Variants in MIB1 observed in about 807,000 individuals in gnomAD.
MIB1 encodes E3 ubiquitin-protein ligase MIB1.
In MIB1, 278 loss-of-function variants were observed where a neutral mutation model predicts 124.5. The ratio of observed to expected loss-of-function variants is 2.23; its 90% confidence interval spans 2.02 to 2.47. The LOEUF is 2.47. Ranked by LOEUF, MIB1 falls within the 30% of genes most tolerant of loss-of-function variation. MIB1 has a pLI of 0.00. For missense variants in MIB1, 957 were observed against 1,254.4 expected, an observed-to-expected ratio of 0.76 and a Z score of 3.58; for synonymous variants, 446 against 429.4, an observed-to-expected ratio of 1.04 and a Z score of -0.48.
intron 10 of MIB1, among the ~76,000 whole-genome samples, chr18:21,813,817 T>C (rs555220589): frequency 1.3e-5 from 2 of 152,222 alleles, no homozygotes; most frequent in East Asian, 3.9e-4. Context: ...CACCAGGGGC[T>C]GGCACAGTGG....
Position 21,741,807 on chromosome 18 carries a change from CCACCGGT to C in MIB1, c.225_229+2del. ...GACCTCCGCATCCTGGACAGCGCGC[CCACCGGT>C]AAGCCGCGGCCACCTGGCCAGGGCT... On this transcript the variant is annotated splice_donor_variant and coding_sequence_variant, in exon 1 of 21. Coordinates refer to ENST00000261537, the MANE Select transcript of MIB1 (RefSeq NM_020774.4). LOFTEE classifies it high-confidence loss of function. The surrounding 1 kb of genome is among the most constrained non-coding windows in gnomAD (Gnocchi z 5.4). The C allele has an allele frequency of 6.3e-7, 1 of 1,598,376 alleles. No individual in the cohort carries two copies. The highest frequency in any genetic ancestry group is 8.5e-7 in the Non-Finnish European group (1 of 1,173,494).
chr18:21,758,651 C>T (rs1740095504), intron 1 of MIB1, among the ~76,000 whole-genome samples: 1 of 152,224 alleles, frequency 6.6e-6, no homozygotes, highest in South Asian at 2.1e-4. Context: ...TCTCCTGCCT[C>T]AGCCTCTCAA....
upstream of MIB1, among the ~76,000 whole-genome samples, chr18:21,739,332 A>AT (rs1476088445): frequency 6.6e-6 from 1 of 152,210 alleles, no homozygotes; most frequent in African/African-American, 2.4e-5. Context: ...GACCAGACAG[A>AT]TTCACAGCCG....
At chr18:21,712,545 C>T (rs1267876840) in intron 1 of MIB1, among the ~76,000 whole-genome samples, 1 of 152,180 alleles carries the variant, frequency 6.6e-6, no homozygotes, top group Non-Finnish European at 1.5e-5. Flanking sequence ...TGTAGGCAGC[C>T]TCTGGGATCT....
At position 21,865,997 on chromosome 18, in the gene MIB1, TA is replaced by T. The variant is rs2042319074; in HGVS notation, c.*1334del. On this transcript the variant is annotated 3_prime_UTR_variant, in exon 21 of 21. Transcript: ENST00000261537. Reference sequence around the variant, plus strand: ...ATTGTCTCCTGAGTAAATATACACATAAATGTTTGGGGATTCATTGCTGCTA... The same window carrying T: ...ATTGTCTCCTGAGTAAATATACACATAATGTTTGGGGATTCATTGCTGCTA... 6.6e-6 allele frequency: 1 copy of T among 152,220 alleles called. No homozygotes were observed. The highest frequency in any genetic ancestry group is 2.1e-4 in the South Asian group (1 of 4,836). 9.4% of individuals were successfully genotyped at this position (152,220 alleles called of 1,614,324 possible).
intron 20 of MIB1, among the ~76,000 whole-genome samples, chr18:21,862,564 A>G (rs973331471): frequency 6.6e-6 from 1 of 152,228 alleles, no homozygotes; most frequent in Non-Finnish European, 1.5e-5. Context: ...TTTCAAGTTC[A>G]TGAAATTTAC....
At chr18:21,708,099 C>T (rs986883367) in intron 1 of MIB1, among the ~76,000 whole-genome samples, 2 of 152,158 alleles carry the variant, frequency 1.3e-5, no homozygotes, top group African/African-American at 4.8e-5. Context: ...AATACCATCA[C>T]CTTGAGGGGC....
intron 1 of MIB1, among the ~76,000 whole-genome samples, chr18:21,749,030 C>T (rs926482354): frequency 6.6e-6 from 1 of 152,104 alleles, no homozygotes; most frequent in Non-Finnish European, 1.5e-5. Flanking sequence ...GCATGAGCCA[C>T]TGAGCCCTGC....
Position 21,865,127 on chromosome 18 carries a change from A to G in MIB1, c.*461A>G, listed in dbSNP as rs2042310718. ...GGTCAAACAATTATGTCACATGGTA[A>G]ATTATAAAATGACAGTACAAGTTCC... is the stretch of plus-strand genomic sequence containing the variant. On this transcript the variant is annotated 3_prime_UTR_variant, in exon 21 of 21. Transcript: ENST00000261537. The G allele has an allele frequency of 6.6e-6, 1 of 152,492 alleles. No homozygotes were observed. The allele number at this position is 152,492 out of a possible 1,614,324, so 9.4% of individuals were successfully genotyped here. A position where few individuals can be genotyped will look rare whatever the true frequency, so the allele number is the denominator to read the frequency against.
At position 21,720,937 on chromosome 18, in the gene MIB1, G is replaced by A. The variant is rs116362369; in HGVS notation, n.167+15814G>A. ...GCCACTGCACTCTGCACTCCAGCCTGGGCAACAAAGTGAGAAGCCATTATC... is the reference window on the plus strand; with the variant it reads ...GCCACTGCACTCTGCACTCCAGCCTAGGCAACAAAGTGAGAAGCCATTATC... On this transcript the variant is annotated intron_variant and non_coding_transcript_variant, in intron 1 of 20. Coordinates refer to the MIB1 transcript ENST00000578646. 2.1e-3 allele frequency among the ~76,000 whole-genome samples: 320 copies of A among 152,128 alleles called. 4 individuals are homozygous for A. Among genetic ancestry groups the A allele is most frequent in the African/African-American group, 7.4e-3 (309 of 41,510 alleles).
At chr18:21,845,279 G>A (rs1044054366) in intron 15 of MIB1, among the ~76,000 whole-genome samples, 1 of 152,072 alleles carries the variant, frequency 6.6e-6, no homozygotes, top group African/African-American at 2.4e-5. Context: ...CAAAGTGCTG[G>A]GATTACAGGC....
At chr18:21,825,871 T>G (rs1400470716) in intron 12 of MIB1, 1 of 393,884 alleles carries the variant, frequency 2.5e-6, no homozygotes, top group Admixed American at 3.8e-5. Context: ...TGTTAGAAAT[T>G]ATCATACCAA....
At chr18:21,735,128 A>T (rs1204513235) in intron 1 of MIB1, among the ~76,000 whole-genome samples, 1 of 152,208 alleles carries the variant, frequency 6.6e-6, no homozygotes, top group Non-Finnish European at 1.5e-5. Context: ...TCCCGTCTGC[A>T]GCTCCCAGCG....
At chr18:21,816,990 A>G (rs2041835453) in intron 11 of MIB1, among the ~76,000 whole-genome samples, 2 of 151,808 alleles carry the variant, frequency 1.3e-5, no homozygotes, top group Admixed American at 1.3e-4. Flanking sequence ...GTGGGTAGAG[A>G]AAGAGTAATT....
chr18:21,818,641 C>CA (rs376421140), intron 11 of MIB1, among the ~76,000 whole-genome samples: 5 of 151,866 alleles, frequency 3.3e-5, no homozygotes, highest in African/African-American at 1.2e-4. Context: ...CCCATCTCTA[C>CA]AAAAAAAGAA....
chr18:21,826,434 A>G (rs1055117983), intron 12 of MIB1: 2 of 152,130 alleles, frequency 1.3e-5, no homozygotes, highest in Non-Finnish European at 2.9e-5. Context: ...GTTTTTGCTT[A>G]CGTGGTGTTA....
rs1471817556 is a variant in MIB1 at position 21,765,976 on chromosome 18, G to C, written c.401+33G>C. The stretch of plus-strand genomic sequence containing the variant: ...GAACCCTTTTCTTCTTCAACCGAGG[G>C]TTTTTGTTTGTATTCAAGTTATGTA... On this transcript the variant is annotated intron_variant, in intron 2 of 20. Coordinates refer to ENST00000261537, the MANE Select transcript of MIB1 (RefSeq NM_020774.4). 1.1e-5 allele frequency: 18 copies of C among 1,600,706 alleles called. No homozygotes were observed. In the East Asian group the frequency reaches 4.0e-4, roughly 36 times the overall value.
chr18:21,722,458 C>T (rs1389082677), intron 1 of MIB1, among the ~76,000 whole-genome samples: 1 of 152,036 alleles, frequency 6.6e-6, no homozygotes, highest in Non-Finnish European at 1.5e-5. Flanking sequence ...GCAACCTCCA[C>T]CTCCTGGGTT....
intron 3 of MIB1, among the ~76,000 whole-genome samples, chr18:21,769,673 T>C (rs372560663): frequency 6.6e-6 from 1 of 152,198 alleles, no homozygotes; most frequent in East Asian, 1.9e-4. Context: ...ATGTGAGAAG[T>C]CAAATTTTAA....
Sources: gnomAD v4.1 joint callset for allele counts (sites outside exome capture counted in the v4.1 genomes callset) on GRCh38, gnomAD v4.1.1 for gene constraint, Gnocchi (gnomAD v3.1) non-coding constraint, MANE v1.5 for transcripts, NCBI Gene and HGNC (gene_info 2026-07-23, HGNC 2026-07-21) for gene names.